Variants in CRB1 observed in about 807,000 individuals in gnomAD.
CRB1 encodes crumbs cell polarity complex component 1.
In CRB1, 83 loss-of-function variants were observed where a neutral mutation model predicts 120.0. That is an observed-to-expected ratio of 0.69 (90% CI 0.58 to 0.83). CRB1 has a LOEUF of 0.83. Among genes scored for constraint, CRB1 ranks in the 40% least tolerant of loss-of-function variants. The probability of loss-of-function intolerance (pLI) is 0.00; values close to 1 mark genes in which losing one functional copy is unlikely to be tolerated. For missense variants in CRB1, 1,699 were observed against 1,687.6 expected (o/e 1.01, Z -0.12); for synonymous variants, 625 against 612.5 (o/e 1.02, Z -0.30).
In CRB1 at chr1:197,478,224, G is replaced by T; in HGVS notation, c.*345G>T. ...GGAACAAATTTTAGTTTTCATTTTA[G>T]GTTTCTGTACTTTCTGTAGTTTCTG... On this transcript the variant is annotated 3_prime_UTR_variant, in exon 12 of 12. Transcript: ENST00000367400. The T allele has an allele frequency of 3.0e-6, 1 of 330,422 alleles. No homozygotes were observed. The highest frequency in any genetic ancestry group is 5.8e-6 in the Non-Finnish European group (1 of 172,108). The allele number at this position is 330,422 out of a possible 1,614,324, so 20.5% of individuals were successfully genotyped here. A position where few individuals can be genotyped will look rare whatever the true frequency, so the allele number is the denominator to read the frequency against.
chr1:197,298,975 AGTG>A (rs1278634753), intron 1 of CRB1, among the ~76,000 whole-genome samples: 2 of 152,174 alleles, frequency 1.3e-5, no homozygotes, highest in Non-Finnish European at 2.9e-5. Context: ...TTAAGACAAA[AGTG>A]GTAATTATGA....
rs190534616 is a variant in CRB1 at position 197,270,004 on chromosome 1, G to A, written c.70+1522G>A. Among the ~76,000 whole-genome samples the A allele has an allele frequency of 1.9e-3, 288 of 152,192 alleles. 1 individual carries two copies. Among genetic ancestry groups the A allele is most frequent in the African/African-American group, 6.8e-3 (284 of 41,528 alleles). On this transcript the variant is annotated intron_variant, in intron 1 of 11. Transcript: ENST00000367400. ...TTTAAGCAGGTAGACTTTTGTCTGT[G>A]TTGATATATTTATTGGCAAGATATA... is the stretch of plus-strand genomic sequence containing the variant.
At position 197,335,763 on chromosome 1, in the gene CRB1, G is replaced by A. The variant is rs563443676; in HGVS notation, c.652+6760G>A. ...TCCGCCGCCTAGGCCTCCCAGAGTGGTGGGATTACAGGCATGAGCCACCTC... is the reference window on the plus strand; with the variant it reads ...TCCGCCGCCTAGGCCTCCCAGAGTGATGGGATTACAGGCATGAGCCACCTC... On this transcript the variant is annotated intron_variant, in intron 2 of 11. Coordinates refer to ENST00000367400, the MANE Select transcript of CRB1 (RefSeq NM_201253.3). 8.7e-4 allele frequency among the ~76,000 whole-genome samples: 133 copies of A among 152,318 alleles called. 1 individual carries two copies. The highest frequency in any genetic ancestry group is 2.9e-3 in the African/African-American group (121 of 41,566).
At chr1:197,273,135 G>A (rs947714753) in intron 1 of CRB1, among the ~76,000 whole-genome samples, 2 of 151,964 alleles carry the variant, frequency 1.3e-5, no homozygotes, top group Non-Finnish European at 2.9e-5. Context: ...GGTTCCTCTT[G>A]GCTGTGACAG....
chr1:197,426,500 G>A (rs893999688), intron 6 of CRB1, among the ~76,000 whole-genome samples: 1 of 152,108 alleles, frequency 6.6e-6, no homozygotes. Flanking sequence ...TAGAATGTAA[G>A]CTTGATGAGG....
intron 11 of CRB1, among the ~76,000 whole-genome samples, chr1:197,451,396 T>C (rs1665966563): frequency 6.6e-6 from 1 of 152,242 alleles, no homozygotes; most frequent in Admixed American, 6.5e-5. Flanking sequence ...GATCACCTGA[T>C]ACTTTGGAGA....
intron 5 of CRB1, among the ~76,000 whole-genome samples, chr1:197,388,996 C>T (rs1198910500): frequency 6.6e-6 from 1 of 152,002 alleles, no homozygotes; most frequent in Non-Finnish European, 1.5e-5. Flanking sequence ...AAATCAAAAC[C>T]ACAGTGAGAT....
chr1:197,430,088 C>T (rs1664801572), intron 8 of CRB1, among the ~76,000 whole-genome samples: 1 of 152,170 alleles, frequency 6.6e-6, no homozygotes, highest in African/African-American at 2.4e-5. Flanking sequence ...AATAATCAAA[C>T]ATGTTAGGCA....
At chr1:197,220,576 T>G in the CRB1 span, among the ~76,000 whole-genome samples, 1 of 152,154 alleles carries the variant, frequency 6.6e-6, no homozygotes, top group African/African-American at 2.4e-5. Context: ...TTTGAGAAGT[T>G]TTAGGTTGTT....
intron 11 of CRB1, among the ~76,000 whole-genome samples, chr1:197,465,256 A>G (rs1666703228): frequency 6.6e-6 from 1 of 152,128 alleles, no homozygotes; most frequent in African/African-American, 2.4e-5. Context: ...GTTAGACTTT[A>G]TTTTTGTCCC....
At chr1:197,322,067 C>T (rs1658228586) in intron 1 of CRB1, among the ~76,000 whole-genome samples, 1 of 152,126 alleles carries the variant, frequency 6.6e-6, no homozygotes. Flanking sequence ...ACACAGTAGC[C>T]ATTAATCACA....
At chr1:197,273,347 A>G (rs972339020) in intron 1 of CRB1, among the ~76,000 whole-genome samples, 7 of 152,106 alleles carry the variant, frequency 4.6e-5, no homozygotes, top group South Asian at 2.1e-4. Context: ...GATTTATACA[A>G]TCAACATGAT....
At chr1:197,331,292 C>A (rs1658843516) in intron 2 of CRB1, among the ~76,000 whole-genome samples, 3 of 152,302 alleles carry the variant, frequency 2.0e-5, no homozygotes, top group Admixed American at 2.0e-4. Context: ...CCTTCCCCAT[C>A]CTGAAACTCA....
At position 197,344,320 on chromosome 1, in the gene CRB1, A is replaced by T. The variant is rs1366758331; in HGVS notation, c.692A>T (p.Gln231Leu). The change falls in exon 3 of 12, where the codon CAG (glutamine) becomes CTG (leucine). Residue 231 changes from glutamine to leucine, a missense_variant. Coordinates refer to ENST00000367400, the MANE Select transcript of CRB1 (RefSeq NM_201253.3). ...CELEIDECWS[Q>L]PCLNGATCQD... ...TTGGAAATTGACGAATGTTGGTCCCAGCCTTGTTTAAATGGTGCAACTTGT... is the reference window on the plus strand; with the variant it reads ...TTGGAAATTGACGAATGTTGGTCCCTGCCTTGTTTAAATGGTGCAACTTGT... The T allele has an allele frequency of 6.2e-7, 1 of 1,614,180 alleles. No homozygotes were observed. The highest frequency in any genetic ancestry group is 8.5e-7 in the Non-Finnish European group (1 of 1,180,026).
intron 8 of CRB1, among the ~76,000 whole-genome samples, chr1:197,431,108 A>G (rs1412193094): frequency 6.6e-6 from 1 of 152,074 alleles, no homozygotes; most frequent in Non-Finnish European, 1.5e-5. Flanking sequence ...ATACTGCACT[A>G]AAATAATGGA....
chr1:197,328,690 C>A lies in CRB1; in HGVS notation c.339C>A (p.Ser113=). ...SGTICETTIG[S]CGKNSCQHGG... is the part of the protein sequence containing the mutation. ...CAATCTGTGAAACTACCATTGGTTC[C>A]TGTGGCAAGAACTCCTGCCAACATG... Residue 113 remains serine, a synonymous_variant, in exon 2 of 12, where the codon TCC becomes TCA. Transcript: ENST00000367400. 1.2e-6 allele frequency: 2 copies of A among 1,613,622 alleles called. No homozygotes were observed. Among genetic ancestry groups the A allele is most frequent in the Non-Finnish European group, 1.7e-6 (2 of 1,179,546 alleles).
chr1:197,438,347 T>C (rs1486854161), intron 9 of CRB1, among the ~76,000 whole-genome samples, 200 bp from the exon 10 acceptor site: 1 of 152,192 alleles, frequency 6.6e-6, no homozygotes, highest in East Asian at 1.9e-4. Context: ...TAGCCATGCT[T>C]GTCACAGAAC....
chr1:197,368,764 G>A lies in CRB1; in HGVS notation c.1171+11751G>A, dbSNP rs139493635. ...AAAGCTCTCAAATGAATAATCAGCAGACAGGTGCCAACTCTTCAACTTAAG... is the reference window on the plus strand; with the variant it reads ...AAAGCTCTCAAATGAATAATCAGCAAACAGGTGCCAACTCTTCAACTTAAG... On this transcript the variant is annotated intron_variant, in intron 5 of 11. Transcript: ENST00000367400. 3.2e-4 allele frequency among the ~76,000 whole-genome samples: 49 copies of A among 152,304 alleles called. 1 individual carries two copies. Among genetic ancestry groups the A allele is most frequent in the African/African-American group, 1.2e-3 (48 of 41,560 alleles).
chr1:197,478,155 G>T lies in CRB1; in HGVS notation c.*276G>T. The T allele has an allele frequency of 2.3e-6, 1 of 437,508 alleles. No individual in the cohort carries two copies. The highest frequency in any genetic ancestry group is 2.4e-5 in the South Asian group (1 of 42,460). The allele number at this position is 437,508 out of a possible 1,614,324, so 27.1% of individuals were successfully genotyped here. A position where few individuals can be genotyped will look rare whatever the true frequency, so the allele number is the denominator to read the frequency against. ...TCTTCCAGAGAATAAAGTCTTCTGT[G>T]GCTTTAGTGGCTATCACTGAAACTC... On this transcript the variant is annotated 3_prime_UTR_variant, in exon 12 of 12. Coordinates refer to ENST00000367400, the MANE Select transcript of CRB1 (RefSeq NM_201253.3).
Sources: gnomAD v4.1 joint callset for allele counts (sites outside exome capture counted in the v4.1 genomes callset) on GRCh38, gnomAD v4.1.1 for gene constraint, MANE v1.5 for transcripts, NCBI Gene and HGNC (gene_info 2026-07-23, HGNC 2026-07-21) for gene names.